Variants in CTNNA3 observed in about 807,000 individuals in gnomAD.
CTNNA3 encodes the protein catenin alpha-3.
In CTNNA3, 76 loss-of-function variants were observed where a neutral mutation model predicts 95.7. The ratio of observed to expected loss-of-function variants is 0.79; its 90% CI spans 0.66 to 0.96. The LOEUF is 0.96. CTNNA3 is among the 40% of genes least tolerant of loss of function. The pLI, the probability that CTNNA3 is intolerant of heterozygous loss-of-function variation, is 0.00. For synonymous variants in CTNNA3, 431 were observed against 374.4 expected, an observed-to-expected ratio of 1.15 and a Z score of -1.74; for missense variants, 1,191 against 1,089.8, an observed-to-expected ratio of 1.09 and a Z score of -1.31.
At chr10:67,212,563 T>A (rs1339333075) in intron 6 of CTNNA3, among the ~76,000 whole-genome samples, 1 of 151,978 alleles carries the variant, frequency 6.6e-6, no homozygotes, top group Non-Finnish European at 1.5e-5. Context: ...TTTTAATTAC[T>A]CAAATTTAAC....
intron 15 of CTNNA3, among the ~76,000 whole-genome samples, chr10:65,998,052 T>C (rs2078699965): frequency 6.6e-6 from 1 of 152,126 alleles, no homozygotes; most frequent in Admixed American, 6.5e-5. Flanking sequence ...AATAGTTGAG[T>C]ATAATATAAA....
chr10:66,789,380 G>A (rs946637630), intron 7 of CTNNA3, among the ~76,000 whole-genome samples: 7 of 151,862 alleles, frequency 4.6e-5, no homozygotes, highest in African/African-American at 1.5e-4. Flanking sequence ...TCACCATGTT[G>A]GCCAGGCTGG....
intron 11 of CTNNA3, among the ~76,000 whole-genome samples, chr10:66,418,684 G>A (rs1287091816): frequency 6.8e-6 from 1 of 146,960 alleles, no homozygotes; most frequent in Non-Finnish European, 1.5e-5. Flanking sequence ...AATACCCAAT[G>A]ATCAAGTGGG....
At chr10:67,715,710 T>C (rs910656845) in intron 1 of CTNNA3, among the ~76,000 whole-genome samples, 2 of 152,100 alleles carry the variant, frequency 1.3e-5, no homozygotes, top group African/African-American at 4.8e-5. Context: ...ATAGATTGAA[T>C]AAACATTGAG....
chr10:66,383,015 T>G (rs574218387), intron 11 of CTNNA3, among the ~76,000 whole-genome samples: 1 of 152,174 alleles, frequency 6.6e-6, no homozygotes, highest in Admixed American at 6.5e-5. Flanking sequence ...ATGGAAATTC[T>G]AAAAATCAGA....
rs10674853 is a variant in CTNNA3, at chr10:66,072,443, T to TTTTTGTTTTGTTTTGTTTTG, written c.1978-2955_1978-2954insCAAAACAAAACAAAACAAAA. Among the ~76,000 whole-genome samples the TTTTTGTTTTGTTTTGTTTTG allele has an allele frequency of 2.4e-3, 360 of 151,038 alleles. 5 individuals carry two copies. The highest frequency in any genetic ancestry group is 7.9e-3 in the African/African-American group (326 of 41,178). On this transcript the variant is annotated intron_variant, in intron 14 of 17. Transcript: ENST00000433211. ...AAGTGATGCCTGAAACATTTTCTTG[T>TTTTTGTTTTGTTTTGTTTTG]TTTTGTTTTGTTTTGTTTTAAGGCA...
chr10:67,047,442 T>C (rs1384396750), intron 7 of CTNNA3, among the ~76,000 whole-genome samples: 1 of 152,038 alleles, frequency 6.6e-6, no homozygotes, highest in Non-Finnish European at 1.5e-5. Context: ...AGAAAAACAT[T>C]AAGGAAAGGA....
intron 7 of CTNNA3, among the ~76,000 whole-genome samples, chr10:67,114,629 GTTC>G (rs926335456): frequency 4.6e-5 from 7 of 151,546 alleles, no homozygotes; most frequent in Non-Finnish European, 1.0e-4. Context: ...TAATCCAGTA[GTTC>G]TTAATTTCTT....
chr10:66,047,475 T>C (rs1399433020), intron 15 of CTNNA3, among the ~76,000 whole-genome samples: 1 of 152,178 alleles, frequency 6.6e-6, no homozygotes, highest in East Asian at 1.9e-4. Context: ...TGAAGGAACC[T>C]ACCTCAAAAT....
chr10:66,904,099 T>C (rs1374801731), intron 7 of CTNNA3, among the ~76,000 whole-genome samples: 2 of 151,186 alleles, frequency 1.3e-5, no homozygotes, highest in Non-Finnish European at 3.0e-5. Context: ...GAACAAGGTA[T>C]CACACTACCT....
At chr10:67,313,487 G>A (rs1276186981) in intron 5 of CTNNA3, among the ~76,000 whole-genome samples, 1 of 152,028 alleles carries the variant, frequency 6.6e-6, no homozygotes, top group Non-Finnish European at 1.5e-5. Flanking sequence ...TCTCAAAGTT[G>A]GGCAAATCAC....
At position 66,955,878 on chromosome 10, in the gene CTNNA3, G is replaced by A. The variant is rs1848763325; in HGVS notation, c.1048-180354C>T. 3.9e-5 allele frequency among the ~76,000 whole-genome samples: 6 copies of A among 152,222 alleles called. No homozygotes were observed. In the South Asian group the frequency reaches 1.2e-3, roughly 32 times the overall value. On this transcript the variant is annotated intron_variant, in intron 7 of 17. Transcript: ENST00000433211. ...TGTCTCACCTTCATCACCAAGATCTGACTGGGGGGTATCTTTCTCTAGTGA... is the reference window on the plus strand; with the variant it reads ...TGTCTCACCTTCATCACCAAGATCTAACTGGGGGGTATCTTTCTCTAGTGA...
At chr10:67,111,097 C>T (rs1242529218) in intron 7 of CTNNA3, among the ~76,000 whole-genome samples, 7 of 152,126 alleles carry the variant, frequency 4.6e-5, no homozygotes, top group Non-Finnish European at 1.0e-4. Context: ...TTTACTCTTC[C>T]TCTCCTCTTC....
intron 7 of CTNNA3, among the ~76,000 whole-genome samples, chr10:67,064,921 CAAG>C (rs1855980383): frequency 6.6e-6 from 1 of 152,060 alleles, no homozygotes; most frequent in Non-Finnish European, 1.5e-5. Context: ...TTATATGAGG[CAAG>C]AAGAACTTTC....
At position 66,085,506 on chromosome 10, in the gene CTNNA3, A is replaced by C. The variant is rs191446193; in HGVS notation, c.1978-16017T>G. 2.0e-3 allele frequency among the ~76,000 whole-genome samples: 299 copies of C among 152,242 alleles called. 1 individual carries two copies. The highest frequency in any genetic ancestry group is 6.4e-3 in the African/African-American group (265 of 41,574). The stretch of plus-strand genomic sequence containing the variant: ...TTTTGAATATTTTCTTATATATAGA[A>C]TAGTATTATTTTTTCTAGTTTCTTT... On this transcript the variant is annotated intron_variant, in intron 14 of 17. Transcript: ENST00000433211.
chr10:67,700,720 TCTC>T (rs1413189132), upstream of CTNNA3, among the ~76,000 whole-genome samples: 3 of 151,978 alleles, frequency 2.0e-5, no homozygotes, highest in African/African-American at 4.8e-5. Context: ...GCAGAGCGCC[TCTC>T]CTCCTCCAAA....
chr10:66,586,164 T>C (rs1028965550), intron 10 of CTNNA3, among the ~76,000 whole-genome samples: 1 of 152,128 alleles, frequency 6.6e-6, no homozygotes, highest in African/African-American at 2.4e-5. Flanking sequence ...ATGAAGCTTA[T>C]TTTGTTCCCC....
intron 7 of CTNNA3, chr10:67,097,580 TC>T (rs753802889): frequency 2.9e-5 from 47 of 1,611,082 alleles, no homozygotes; most frequent in Non-Finnish European, 3.9e-5. Flanking sequence ...ATGTCATTTT[TC>T]CCCAGATACC....
intron 9 of CTNNA3, 172 bp downstream of exon 9, chr10:66,766,092 G>T: frequency 1.9e-6 from 1 of 522,426 alleles, no homozygotes; most frequent in Non-Finnish European, 3.4e-6. Context: ...ACAAGCCAAT[G>T]TGGAGTGATC....
Sources: gnomAD v4.1 joint callset for allele counts (sites outside exome capture counted in the v4.1 genomes callset) on GRCh38, gnomAD v4.1.1 for gene constraint, MANE v1.5 for transcripts, NCBI Gene and HGNC (gene_info 2026-07-23, HGNC 2026-07-21) for gene names.